Variants in EYS observed in about 807,000 individuals in gnomAD.
EYS encodes EGF-like photoreceptor maintenance factor.
A neutral mutation model predicts 282.1 loss-of-function variants in EYS; 250 were observed. The observed-to-expected ratio is 0.89, with a 90% CI of 0.80 to 0.98. The LOEUF (loss-of-function observed/expected upper bound fraction) is 0.98, where lower values mean the gene tolerates loss of function less well. Among genes scored for constraint, EYS ranks in the 50% least tolerant of loss-of-function variants. The pLI is 0.00. For missense variants in EYS, 4,016 were observed against 3,709.0 expected, an observed-to-expected ratio of 1.08 and a Z score of -2.15; for synonymous variants, 1,355 against 1,282.9, an observed-to-expected ratio of 1.06 and a Z score of -1.20.
chr6:65,534,057 G>A (rs1430914317), intron 2 of EYS, among the ~76,000 whole-genome samples: 1 of 151,930 alleles, frequency 6.6e-6, no homozygotes, highest in South Asian at 2.1e-4. Flanking sequence ...CAAGCAAGTT[G>A]GAACTATTTA....
intron 22 of EYS, among the ~76,000 whole-genome samples, chr6:64,648,002 TGAATTACAGG>T (rs1768416937): frequency 6.6e-6 from 1 of 152,222 alleles, no homozygotes; most frequent in Non-Finnish European, 1.5e-5. Flanking sequence ...AATCGCCCTG[TGAATTACAGG>T]GTAATTATAA....
At chr6:64,842,660 A>G (rs538921827) in intron 19 of EYS, among the ~76,000 whole-genome samples, 62 of 152,176 alleles carry the variant, frequency 4.1e-4, no homozygotes, top group African/African-American at 1.5e-3. Flanking sequence ...ACTGGAGCAA[A>G]GGTGACTCTT....
intron 12 of EYS, among the ~76,000 whole-genome samples, chr6:65,195,970 G>T (rs544358650): frequency 6.6e-6 from 1 of 151,976 alleles, no homozygotes; most frequent in Admixed American, 6.6e-5. Context: ...CATCCACCTA[G>T]CATGAAATGG....
rs1202736573 is a variant in EYS, at chr6:64,158,101, C to A, written c.6424+72491G>T. 3.3e-5 allele frequency among the ~76,000 whole-genome samples: 5 copies of A among 152,336 alleles called. No homozygotes were observed. The East Asian group carries it at 7.7e-4, about 24-fold the overall frequency. Reference sequence around the variant, plus strand: ...GAACCCACCCCTTGCATCAGTGTGACCTGGATGTGAGACCTGAAATCAAAG... The same window carrying A: ...GAACCCACCCCTTGCATCAGTGTGAACTGGATGTGAGACCTGAAATCAAAG... On this transcript the variant is annotated intron_variant, in intron 31 of 42. Coordinates refer to ENST00000503581, the MANE Select transcript of EYS (RefSeq NM_001142800.2).
At chr6:64,265,394 C>T (rs1413876568) in intron 30 of EYS, among the ~76,000 whole-genome samples, 2 of 152,052 alleles carry the variant, frequency 1.3e-5, no homozygotes, top group African/African-American at 4.8e-5. Context: ...TCACAATAAA[C>T]TCTGATTGGT....
chr6:64,467,767 G>A (rs749046925), intron 26 of EYS, among the ~76,000 whole-genome samples: 1 of 152,086 alleles, frequency 6.6e-6, no homozygotes, highest in Non-Finnish European at 1.5e-5. Context: ...AGAGGAATAA[G>A]GGAGTGCCCA....
chr6:65,170,172 G>A (rs937134143), intron 12 of EYS, among the ~76,000 whole-genome samples: 1 of 151,046 alleles, frequency 6.6e-6, no homozygotes, highest in Non-Finnish European at 1.5e-5. Context: ...ATTTTTACAG[G>A]TTTTAGAACA....
At chr6:65,285,053 T>C (rs1050285018) in intron 12 of EYS, among the ~76,000 whole-genome samples, 2 of 151,748 alleles carry the variant, frequency 1.3e-5, no homozygotes, top group Admixed American at 6.6e-5. Flanking sequence ...AGGTCTTCCC[T>C]GAAAAAAAAG....
At chr6:65,047,852 G>A (rs1440342154) in intron 13 of EYS, among the ~76,000 whole-genome samples, 2 of 151,898 alleles carry the variant, frequency 1.3e-5, no homozygotes, top group African/African-American at 2.4e-5. Flanking sequence ...TGAGTGGATG[G>A]TGCTAGAACC....
At chr6:64,395,943 G>T (rs971967678) in intron 28 of EYS, among the ~76,000 whole-genome samples, 1 of 151,870 alleles carries the variant, frequency 6.6e-6, no homozygotes, top group South Asian at 2.1e-4. Flanking sequence ...TAATAAAGAG[G>T]GTAAAGGATA....
At chr6:63,939,738 T>C (rs1350146981) in intron 35 of EYS, among the ~76,000 whole-genome samples, 4 of 152,134 alleles carry the variant, frequency 2.6e-5, no homozygotes, top group Admixed American at 2.6e-4. Context: ...ATGTCATAAA[T>C]GCATAATACA....
chr6:64,255,554 TTTG>T (rs1336859013), intron 30 of EYS, among the ~76,000 whole-genome samples: 2 of 152,098 alleles, frequency 1.3e-5, no homozygotes, highest in Non-Finnish European at 2.9e-5. Context: ...GACATTTTGA[TTTG>T]TTTCTAATTG....
intron 38 of EYS, among the ~76,000 whole-genome samples, 190 bp from the exon 39 acceptor site, chr6:63,788,439 A>T (rs1385160805): frequency 1.3e-5 from 2 of 152,208 alleles, no homozygotes; most frequent in African/African-American, 4.8e-5. Context: ...ATATATTAAT[A>T]TAGCAGTCAT....
At chr6:65,279,523 G>A (rs1768158863) in intron 12 of EYS, among the ~76,000 whole-genome samples, 2 of 152,094 alleles carry the variant, frequency 1.3e-5, no homozygotes, top group African/African-American at 4.8e-5. Context: ...CCCAAAAGAA[G>A]ACAGGCTTTT....
intron 22 of EYS, among the ~76,000 whole-genome samples, chr6:64,665,598 A>C (rs1377136058): frequency 2.6e-5 from 4 of 152,214 alleles, no homozygotes; most frequent in Admixed American, 2.0e-4. Flanking sequence ...TAGGTCTGAA[A>C]ATTATCTGTA....
At chr6:65,042,409 G>T (rs997133549) in intron 13 of EYS, among the ~76,000 whole-genome samples, 5 of 150,856 alleles carry the variant, frequency 3.3e-5, no homozygotes, top group Admixed American at 6.6e-5. Context: ...TTGTAATTTG[G>T]CCTATTGTTT....
intron 35 of EYS, among the ~76,000 whole-genome samples, chr6:63,947,377 A>T (rs979051589): frequency 6.6e-6 from 1 of 152,090 alleles, no homozygotes; most frequent in East Asian, 1.9e-4. Context: ...ACTAAGAAAT[A>T]ATAAATTAGT....
rs565619337 is a variant in EYS, at chr6:65,497,152, T to C, written c.-332-1159A>G. Among the ~76,000 whole-genome samples, 3 of 152,138 alleles carry C rather than the reference T, an allele frequency of 2.0e-5. No homozygotes were observed. The East Asian group carries it at 5.8e-4, about 29-fold the overall frequency. Reference sequence around the variant, plus strand: ...ATCTTGCTAAAGGTTTAAAAAATAATTCAAACAAGTAAATTTGAGCTCAAT... The same window carrying C: ...ATCTTGCTAAAGGTTTAAAAAATAACTCAAACAAGTAAATTTGAGCTCAAT... On this transcript the variant is annotated intron_variant, in intron 2 of 42. Coordinates refer to ENST00000503581, the MANE Select transcript of EYS (RefSeq NM_001142800.2).
At chr6:65,417,080 T>A (rs1410986595) in intron 5 of EYS, among the ~76,000 whole-genome samples, 1 of 152,016 alleles carries the variant, frequency 6.6e-6, no homozygotes, top group East Asian at 1.9e-4. Flanking sequence ...AGTTGCTAGT[T>A]TGGCATTTCA....
Sources: allele counts gnomAD v4.1 joint callset (sites outside exome capture counted in the v4.1 genomes callset), GRCh38; gene constraint gnomAD v4.1.1; transcripts MANE v1.5; gene names NCBI Gene and HGNC (gene_info 2026-07-23, HGNC 2026-07-21).